Variants in PTCSC3 observed in about 807,000 individuals in gnomAD.
The protein encoded by PTCSC3 is papillary thyroid carcinoma susceptibility candidate 3.
chr14:36,145,859 G>T (rs1340495308), intron 3 of PTCSC3, among the ~76,000 whole-genome samples: 5 of 148,738 alleles, frequency 3.4e-5, no homozygotes, highest in Admixed American at 2.7e-4. Flanking sequence ...CTGGTATGTT[G>T]TGTCTTTGTT....
rs34538222 is a variant in PTCSC3, at chr14:36,152,899, G to GA, written n.322+904dup. On this transcript the variant is annotated intron_variant and non_coding_transcript_variant, in intron 3 of 3. Coordinates refer to ENST00000556013, the Ensembl canonical transcript of PTCSC3. ...ACAGAGCGAGACTCCATCTCGAAAG[G>GA]AAAAAAAAAAAGAAAGAAAGAAAGA... Among the ~76,000 whole-genome samples, 208 of 146,362 alleles carry GA rather than the reference G, an allele frequency of 1.4e-3. 1 individual carries two copies. The East Asian group carries it at 0.016, about 11-fold the overall frequency.
chr14:36,164,512 C>T lies in PTCSC3; in HGVS notation n.172-1829G>A, dbSNP rs116901317. On this transcript the variant is annotated intron_variant and non_coding_transcript_variant, in intron 1 of 3. Transcript: ENST00000556013. The stretch of plus-strand genomic sequence containing the variant: ...TGCCTGTTCAACTGCACTTTAAAAA[C>T]CAGTCATTCTTTTCATCATGCTAAA... Among the ~76,000 whole-genome samples the T allele has an allele frequency of 3.7e-4, 57 of 152,286 alleles. 1 individual carries two copies. The East Asian group carries it at 0.011, about 28-fold the overall frequency.
chr14:36,168,143 A>G lies in PTCSC3; in HGVS notation n.172-5460T>C, dbSNP rs1482962100. 1.4e-4 allele frequency among the ~76,000 whole-genome samples: 21 copies of G among 151,822 alleles called. No homozygotes were observed. In the East Asian group the frequency reaches 3.7e-3, roughly 27 times the overall value. On this transcript the variant is annotated intron_variant and non_coding_transcript_variant, in intron 1 of 3. Transcript: ENST00000556013. ...GTTGCTGCTGAATGGCTTATTTTCT[A>G]TCTTGATATTTTCTCTATATGACTT...
Position 36,168,027 on chromosome 14 carries a change from G to A in PTCSC3, n.172-5344C>T, listed in dbSNP as rs867356300. On this transcript the variant is annotated intron_variant and non_coding_transcript_variant, in intron 1 of 3. Transcript: ENST00000556013. ...TGTTGGCCTGCACGTTCCCAGGCAT[G>A]TGAATTGCAATCCTTTTGAAGTCCA... is the stretch of plus-strand genomic sequence containing the variant. 5.3e-5 allele frequency among the ~76,000 whole-genome samples: 8 copies of A among 152,050 alleles called. No homozygotes were observed. In the East Asian group the frequency reaches 1.5e-3, roughly 29 times the overall value.
At chr14:36,160,172 C>G (rs1202511473) in intron 2 of PTCSC3, among the ~76,000 whole-genome samples, 8 of 152,122 alleles carry the variant, frequency 5.3e-5, no homozygotes, top group African/African-American at 1.9e-4. Context: ...GGTCTTGACT[C>G]TTTATCCAAT....
chr14:36,152,269 TA>T (rs952905793), intron 3 of PTCSC3, among the ~76,000 whole-genome samples: 93 of 148,484 alleles, frequency 6.3e-4, no homozygotes, highest in South Asian at 4.9e-3. Context: ...TTTATTAAAA[TA>T]AAAAAAAAAC....
downstream of PTCSC3, among the ~76,000 whole-genome samples, chr14:36,135,433 T>G (rs1280250464): frequency 6.6e-6 from 1 of 152,180 alleles, no homozygotes; most frequent in Non-Finnish European, 1.5e-5. Flanking sequence ...CTTAGGCAAG[T>G]CAGTTTTCCT....
intron 2 of PTCSC3, among the ~76,000 whole-genome samples, chr14:36,155,655 T>G (rs905383038): frequency 2.0e-5 from 3 of 152,202 alleles, no homozygotes; most frequent in African/African-American, 7.2e-5. Context: ...TCTTGCTAAA[T>G]TTGCTTGATT....
chr14:36,173,983 C>A (rs1882235909), intron 1 of PTCSC3, among the ~76,000 whole-genome samples: 2 of 151,956 alleles, frequency 1.3e-5, no homozygotes, highest in South Asian at 2.1e-4. Context: ...ATATAAAGTA[C>A]CTTTTTTTTC....
At chr14:36,173,223 G>A (rs917485624) in intron 1 of PTCSC3, among the ~76,000 whole-genome samples, 2 of 151,978 alleles carry the variant, frequency 1.3e-5, no homozygotes, top group African/African-American at 4.8e-5. Context: ...TTTTTTATGA[G>A]TTAAAACATT....
intron 3 of PTCSC3, among the ~76,000 whole-genome samples, chr14:36,151,252 CTATCCTTGTTCCTCTG>C (rs1393115147): frequency 6.6e-6 from 1 of 152,100 alleles, no homozygotes; most frequent in Non-Finnish European, 1.5e-5. Flanking sequence ...CAATATAACT[CTATCCTTGTTCCTCTG>C]TAGGTAAGGT....
intron 3 of PTCSC3, among the ~76,000 whole-genome samples, chr14:36,146,759 G>T (rs1018159994): frequency 6.6e-6 from 1 of 152,016 alleles, no homozygotes. Flanking sequence ...TCCTAGTCTC[G>T]ATGGTCTTTA....
intron 2 of PTCSC3, among the ~76,000 whole-genome samples, chr14:36,156,937 G>A (rs1333964276): frequency 3.3e-5 from 5 of 152,128 alleles, no homozygotes; most frequent in Non-Finnish European, 7.3e-5. Context: ...CCAGTAATAG[G>A]ATTGCTGGGT....
At chr14:36,147,734 C>T (rs1468517797) in intron 3 of PTCSC3, among the ~76,000 whole-genome samples, 11 of 152,004 alleles carry the variant, frequency 7.2e-5, no homozygotes, top group South Asian at 2.1e-4. Flanking sequence ...GGAGGAGAGG[C>T]GCTCTGCTTT....
At chr14:36,137,213 A>G (rs529487935) in intron 3 of PTCSC3, among the ~76,000 whole-genome samples, 47 of 152,186 alleles carry the variant, frequency 3.1e-4, no homozygotes, top group Non-Finnish European at 5.3e-4. Context: ...AGAGGCAACA[A>G]CAAGCACAAA....
At chr14:36,167,529 T>C (rs1013933482) in intron 1 of PTCSC3, among the ~76,000 whole-genome samples, 1 of 152,192 alleles carries the variant, frequency 6.6e-6, no homozygotes, top group African/African-American at 2.4e-5. Flanking sequence ...CTGGGTAGAA[T>C]GTGGTCTCAT....
chr14:36,142,871 T>C (rs1470616838), intron 3 of PTCSC3, among the ~76,000 whole-genome samples: 2 of 144,388 alleles, frequency 1.4e-5, no homozygotes, highest in East Asian at 2.1e-4. Flanking sequence ...TGTGATTTCA[T>C]TGTTCAGTTC....
intron 1 of PTCSC3, among the ~76,000 whole-genome samples, chr14:36,167,125 A>G (rs1882104541): frequency 1.3e-5 from 2 of 152,236 alleles, no homozygotes; most frequent in African/African-American, 4.8e-5. Context: ...TTTGTAAAAG[A>G]GAAACCATTT....
intron 2 of PTCSC3, among the ~76,000 whole-genome samples, chr14:36,157,250 G>A (rs1349319034): frequency 6.6e-6 from 1 of 151,982 alleles, no homozygotes. Flanking sequence ...TTTTTGATAG[G>A]GTTGTTTTTT....
Sources: allele counts gnomAD v4.1 joint callset (sites outside exome capture counted in the v4.1 genomes callset), GRCh38; gene constraint gnomAD v4.1.1; transcripts MANE v1.5; gene names NCBI Gene and HGNC (gene_info 2026-07-23, HGNC 2026-07-21).